CCDC81: variants seen among roughly 807,000 people sequenced by gnomAD.
The protein encoded by CCDC81 is coiled-coil domain-containing protein 81.
CCDC81 carries 79 observed loss-of-function variants against 83.7 expected under a neutral mutation model. The observed-to-expected ratio is 0.94, with a 90% CI of 0.79 to 1.14. The LOEUF (loss-of-function observed/expected upper bound fraction) is 1.14, where lower values mean the gene tolerates loss of function less well. Ranked by LOEUF, CCDC81 falls within the 50% of genes most tolerant of loss-of-function variation. CCDC81 has a pLI of 0.00. For missense variants in CCDC81, 791 were observed against 778.1 expected (o/e 1.02, Z -0.20); for synonymous variants, 252 against 278.1 (o/e 0.91, Z 0.93).
At chr11:86,407,801 A>G (rs1437500956) in intron 8 of CCDC81, 100 bp downstream of exon 8, 11 of 894,144 alleles carry the variant, frequency 1.2e-5, no homozygotes, top group Non-Finnish European at 2.0e-5. Context: ...TTATATGAGT[A>G]TGGCTCAAGT....
intron 1 of CCDC81, among the ~76,000 whole-genome samples, chr11:86,376,574 C>G (rs903606368): frequency 5.9e-5 from 9 of 152,148 alleles, no homozygotes; most frequent in Non-Finnish European, 1.0e-4. Flanking sequence ...ATCATGAGAA[C>G]AGCATGGGGG....
At chr11:86,388,163 C>G (rs955699129) in intron 3 of CCDC81, among the ~76,000 whole-genome samples, 1 of 151,774 alleles carries the variant, frequency 6.6e-6, no homozygotes, top group Non-Finnish European at 1.5e-5. Context: ...TTCGCATACC[C>G]TAAAGCCAAC....
intron 1 of CCDC81, among the ~76,000 whole-genome samples, chr11:86,380,483 G>A (rs560945321): frequency 3.9e-5 from 6 of 152,178 alleles, no homozygotes; most frequent in African/African-American, 1.2e-4. Flanking sequence ...CTGGATCTGT[G>A]GTTTCATGTC....
chr11:86,384,912 A>G (rs1397208958), intron 1 of CCDC81, among the ~76,000 whole-genome samples: 1 of 152,262 alleles, frequency 6.6e-6, no homozygotes. Context: ...TTCATATCAT[A>G]CATTAACACT....
chr11:86,409,653 G>A (rs913161467), intron 10 of CCDC81, among the ~76,000 whole-genome samples: 12 of 152,206 alleles, frequency 7.9e-5, no homozygotes, highest in African/African-American at 2.9e-4. Flanking sequence ...GTTTCGCCAT[G>A]TTGGCCAGGC....
rs748095018 is a variant in CCDC81 at position 86,395,432 on chromosome 11, G to A, written c.635+19G>A. ...TTCCAAGGTGAGTGCTTTGCTTCAC[G>A]GGTTCCTCTAGGCACTAGCACTCCT... is the stretch of plus-strand genomic sequence containing the variant. On this transcript the variant is annotated intron_variant, in intron 5 of 14. Coordinates refer to ENST00000445632, the MANE Select transcript of CCDC81 (RefSeq NM_001156474.2). The A allele has an allele frequency of 2.0e-5, 32 of 1,607,396 alleles. No individual in the cohort carries two copies. Among genetic ancestry groups the A allele is most frequent in the Non-Finnish European group, 2.6e-5 (30 of 1,174,244 alleles).
In CCDC81 at chr11:86,415,295, T is replaced by G. The variant is rs35587986; in HGVS notation, c.1673T>G (p.Leu558Arg). The G allele has an allele frequency of 0.019, 31,458 of 1,613,804 alleles. 392 individuals carry two copies. The highest frequency in any genetic ancestry group is 0.023 in the South Asian group (2,137 of 91,058). ...GACCAGAGGCGGGATTTGCAAATGC[T>G]TCAGAGGACACAAAGAGAGTAAGGA... ...LVDQRRDLQM[L>R]QRTQREHLAD... Residue 558 changes from leucine to arginine, a missense_variant, in exon 13 of 15, where the codon CTT becomes CGT. Coordinates refer to ENST00000445632, the MANE Select transcript of CCDC81 (RefSeq NM_001156474.2).
chr11:86,418,057 A>C (rs935797084), intron 13 of CCDC81, among the ~76,000 whole-genome samples: 1 of 152,248 alleles, frequency 6.6e-6, no homozygotes, highest in Non-Finnish European at 1.5e-5. Context: ...CTGGGCATTT[A>C]AAATTATTTT....
At position 86,397,638 on chromosome 11, in the gene CCDC81, T is replaced by A; in HGVS notation, c.653T>A (p.Met218Lys). Residue 218 changes from methionine to lysine, a missense_variant, in exon 6 of 15, where the codon ATG becomes AAG. Coordinates refer to ENST00000445632, the MANE Select transcript of CCDC81 (RefSeq NM_001156474.2). ...ATTCCTAGGATTGAGCTCAAGGAGA[T>A]GGAAAACAAACTGCCTATGGAGACC... Reference protein sequence around the residue: ...LAFPRIELKEMENKLPMETLV... With the variant: ...LAFPRIELKEKENKLPMETLV... 2 of 1,612,406 alleles carry A rather than the reference T, an allele frequency of 1.2e-6. No individual in the cohort carries two copies. The highest frequency in any genetic ancestry group is 1.7e-6 in the Non-Finnish European group (2 of 1,179,322).
intron 6 of CCDC81, among the ~76,000 whole-genome samples, chr11:86,399,968 C>CT (rs1555191912): frequency 1.1e-3 from 159 of 143,748 alleles, no homozygotes; most frequent in Middle Eastern, 3.6e-3. Flanking sequence ...ACTACTACTA[C>CT]AAAAAAAAAA....
At chr11:86,403,198 A>G (rs12278188) in intron 7 of CCDC81, among the ~76,000 whole-genome samples, 7,177 of 151,722 alleles carry the variant, frequency 0.047, 277 homozygotes, top group African/African-American at 0.1. Flanking sequence ...TAGTTCTTTT[A>G]CAGTTTTCCT....
intron 6 of CCDC81, among the ~76,000 whole-genome samples, chr11:86,399,834 A>G (rs7936577): frequency 0.024 from 3,623 of 151,980 alleles, 49 homozygotes; most frequent in Middle Eastern, 0.065. Context: ...TAAAGACTAC[A>G]ACATTTGGCT....
chr11:86,394,915 T>A (rs1948382724), intron 4 of CCDC81, among the ~76,000 whole-genome samples: 1 of 152,190 alleles, frequency 6.6e-6, no homozygotes, highest in Non-Finnish European at 1.5e-5. Flanking sequence ...GTTAGCAGTG[T>A]GGGGATTTGA....
At position 86,375,099 on chromosome 11, in the gene CCDC81, C is replaced by T; in HGVS notation, c.-65C>T. The T allele has an allele frequency of 2.2e-6, 3 of 1,375,842 alleles. No individual in the cohort carries two copies. The highest frequency in any genetic ancestry group is 2.1e-6 in the Non-Finnish European group (2 of 963,446). 85.2% of individuals were successfully genotyped at this position (1,375,842 alleles called of 1,614,324 possible). Reference sequence around the variant, plus strand: ...GGAGGGTGGGAAAATTATTTTTGTGCACATTCCATATAAGAAAGAAGAGAC... The same window carrying T: ...GGAGGGTGGGAAAATTATTTTTGTGTACATTCCATATAAGAAAGAAGAGAC... On this transcript the variant is annotated 5_prime_UTR_variant, in exon 1 of 15. Transcript: ENST00000445632.
At chr11:86,380,516 G>A (rs1046957797) in intron 1 of CCDC81, among the ~76,000 whole-genome samples, 2 of 152,164 alleles carry the variant, frequency 1.3e-5, no homozygotes, top group East Asian at 1.9e-4. Context: ...GAAATTCTGA[G>A]TAATTGTTTC....
At chr11:86,389,219 C>G (rs1948289674) in intron 3 of CCDC81, among the ~76,000 whole-genome samples, 1 of 151,584 alleles carries the variant, frequency 6.6e-6, no homozygotes, top group African/African-American at 2.4e-5. Flanking sequence ...CACTTCAGCC[C>G]AGGAGTTGAA....
chr11:86,400,361 T>C (rs1948470204), intron 6 of CCDC81, among the ~76,000 whole-genome samples: 1 of 152,192 alleles, frequency 6.6e-6, no homozygotes, highest in Non-Finnish European at 1.5e-5. Context: ...AATCTACAGA[T>C]ATCAAAGTTG....
rs1948699340 is a variant in CCDC81 at position 86,415,138 on chromosome 11, T to C, written c.1516T>C (p.Ser506Pro). Reference sequence around the variant, plus strand: ...GCTGCCCCCCTTTGAGCCAGACTCCTCTGAGCCCATCTTTGGTAAGAATGA... The same window carrying C: ...GCTGCCCCCCTTTGAGCCAGACTCCCCTGAGCCCATCTTTGGTAAGAATGA... ...SRLPPFEPDS[S>P]EPIFGKNEGE... The change falls in exon 13 of 15, where the codon TCT becomes CCT. Residue 506 changes from serine (S) to proline (P), a missense_variant. By Grantham distance (74) the Ser-to-Pro change is moderately conservative. Coordinates refer to ENST00000445632, the MANE Select transcript of CCDC81 (RefSeq NM_001156474.2). 1 of 1,614,198 alleles carries C rather than the reference T, an allele frequency of 6.2e-7. No homozygotes were observed. The highest frequency in any genetic ancestry group is 1.3e-5 in the African/African-American group (1 of 75,048).
intron 3 of CCDC81, among the ~76,000 whole-genome samples, chr11:86,391,999 C>T (rs1420051834): frequency 6.6e-6 from 1 of 152,142 alleles, no homozygotes; most frequent in Non-Finnish European, 1.5e-5. Flanking sequence ...TTCATGATAG[C>T]TCACTCATTA....
Sources: allele counts gnomAD v4.1 joint callset (sites outside exome capture counted in the v4.1 genomes callset), GRCh38; gene constraint gnomAD v4.1.1; transcripts MANE v1.5; gene names NCBI Gene and HGNC (gene_info 2026-07-23, HGNC 2026-07-21).